Variants in ARHGAP42 observed in about 807,000 individuals in gnomAD.
The protein encoded by ARHGAP42 is rho GTPase-activating protein 42.
A neutral mutation model predicts 125.0 loss-of-function variants in ARHGAP42; 63 were observed. The observed-to-expected ratio is 0.50, with a 90% confidence interval of 0.41 to 0.62. The LOEUF (loss-of-function observed/expected upper bound fraction) is 0.62, where lower values mean the gene tolerates loss of function less well. ARHGAP42 is among the 20% of genes least tolerant of loss of function. ARHGAP42 has a pLI of 0.00. For missense variants in ARHGAP42, 766 were observed against 1,024.2 expected, an observed-to-expected ratio of 0.75 and a Z score of 3.44; for synonymous variants, 339 against 351.0, an observed-to-expected ratio of 0.97 and a Z score of 0.38.
chr11:100,835,655 G>A (rs1864769143), intron 3 of ARHGAP42, among the ~76,000 whole-genome samples: 1 of 151,982 alleles, frequency 6.6e-6, no homozygotes, highest in Admixed American at 6.6e-5. Flanking sequence ...ATTCCAGAAG[G>A]GGTACACTTT....
At chr11:100,977,116 C>T (rs1354706471) in intron 21 of ARHGAP42, 145 bp downstream of exon 21, 3 of 944,498 alleles carry the variant, frequency 3.2e-6, no homozygotes, top group Non-Finnish European at 4.6e-6. Context: ...TTCTGTAAGA[C>T]TCTATTCTTT....
At chr11:100,715,822 G>T (rs1861651057) in intron 1 of ARHGAP42, among the ~76,000 whole-genome samples, 1 of 152,174 alleles carries the variant, frequency 6.6e-6, no homozygotes, top group Non-Finnish European at 1.5e-5. Flanking sequence ...AAAGAGTGAG[G>T]AAGCAATGAT....
chr11:100,805,329 A>G (rs560160017), intron 3 of ARHGAP42, among the ~76,000 whole-genome samples: 42 of 152,370 alleles, frequency 2.8e-4, no homozygotes, highest in Non-Finnish European at 5.1e-4. Context: ...TATTGTTGAT[A>G]TCATATGTAA....
chr11:100,893,158 G>GGGGTGTGTGT (rs1555018918), intron 4 of ARHGAP42, among the ~76,000 whole-genome samples: 42 of 147,090 alleles, frequency 2.9e-4, no homozygotes, highest in South Asian at 6.6e-4. Context: ...AACATTTAGG[G>GGGGTGTGTGT]GTGTGTGTGT....
chr11:100,733,367 A>G (rs1427784712), intron 1 of ARHGAP42, among the ~76,000 whole-genome samples: 1 of 148,480 alleles, frequency 6.7e-6, no homozygotes, highest in Non-Finnish European at 1.5e-5. Flanking sequence ...TCACATGACA[A>G]AGATTTTTTG....
At chr11:100,779,228 C>T (rs1863207491) in intron 2 of ARHGAP42, among the ~76,000 whole-genome samples, 1 of 151,526 alleles carries the variant, frequency 6.6e-6, no homozygotes, top group Non-Finnish European at 1.5e-5. Context: ...GGGTGGATCA[C>T]CTGAGGTCAG....
Position 100,992,207 on chromosome 11 carries a change from C to T in ARHGAP42, c.*3406C>T. On this transcript the variant is annotated 3_prime_UTR_variant, in exon 24 of 24. Coordinates refer to ENST00000298815, the MANE Select transcript of ARHGAP42 (RefSeq NM_152432.4). The stretch of plus-strand genomic sequence containing the variant: ...GATGCCTTCTTTAGCATTTAGAACC[C>T]CAACTAGACTTATACTTTGACTAAA... The T allele has an allele frequency of 1.5e-6, 2 of 1,326,386 alleles. No individual in the cohort carries two copies. The highest frequency in any genetic ancestry group is 1.0e-6 in the Non-Finnish European group (1 of 980,612). 82.2% of individuals were successfully genotyped at this position (1,326,386 alleles called of 1,614,324 possible).
intron 2 of ARHGAP42, among the ~76,000 whole-genome samples, chr11:100,775,849 T>C (rs1306986412): frequency 6.6e-6 from 1 of 152,142 alleles, no homozygotes; most frequent in Non-Finnish European, 1.5e-5. Context: ...TGAGAAGACC[T>C]CTAGGTTTTA....
rs1858789670 is a variant in ARHGAP42, at chr11:100,989,990, A to G, written c.*1189A>G. 1 of 152,170 alleles carries G rather than the reference A, an allele frequency of 6.6e-6. No individual in the cohort carries two copies. The highest frequency in any genetic ancestry group is 1.5e-5 in the Non-Finnish European group (1 of 68,028). The allele number at this position is 152,170 out of a possible 1,614,324, so 9.4% of individuals were successfully genotyped here. A position where few individuals can be genotyped will look rare whatever the true frequency, so the allele number is the denominator to read the frequency against. Reference sequence around the variant, plus strand: ...TACATGATTTTCTTTTATGCCTTTTAGTTTACAGTCTTTATTAGCAATTTC... The same window carrying G: ...TACATGATTTTCTTTTATGCCTTTTGGTTTACAGTCTTTATTAGCAATTTC... On this transcript the variant is annotated 3_prime_UTR_variant, in exon 24 of 24. Transcript: ENST00000298815.
At chr11:100,818,016 C>A (rs527821009) in intron 3 of ARHGAP42, among the ~76,000 whole-genome samples, 1 of 152,124 alleles carries the variant, frequency 6.6e-6, no homozygotes, top group Non-Finnish European at 1.5e-5. Context: ...TTGTAAATTG[C>A]AAACCATTCA....
intron 4 of ARHGAP42, among the ~76,000 whole-genome samples, chr11:100,877,803 G>A (rs371609533): frequency 1.3e-5 from 2 of 151,862 alleles, no homozygotes; most frequent in Non-Finnish European, 2.9e-5. Context: ...TCAGGAGTTC[G>A]AGACCAATCT....
intron 3 of ARHGAP42, among the ~76,000 whole-genome samples, chr11:100,809,316 G>T (rs951529728): frequency 1.3e-5 from 2 of 152,158 alleles, no homozygotes; most frequent in Admixed American, 6.5e-5. Flanking sequence ...ACTTAAAGAC[G>T]CTTGACCAAT....
intron 5 of ARHGAP42, among the ~76,000 whole-genome samples, chr11:100,917,197 C>T (rs1867094106): frequency 6.6e-6 from 1 of 151,844 alleles, no homozygotes; most frequent in Non-Finnish European, 1.5e-5. Context: ...AAATAGATTC[C>T]CTTTAGACAC....
chr11:100,723,628 T>A (rs762030448), intron 1 of ARHGAP42, among the ~76,000 whole-genome samples: 12 of 152,194 alleles, frequency 7.9e-5, no homozygotes, highest in Non-Finnish European at 1.6e-4. Context: ...TAGCTTTGTA[T>A]CCTGAAACCT....
chr11:100,948,318 A>G, intron 10 of ARHGAP42, 139 bp from the exon 11 acceptor site: 5 of 648,160 alleles, frequency 7.7e-6, no homozygotes, highest in Non-Finnish European at 7.6e-6. Flanking sequence ...TCTTTTTTAG[A>G]AAAATTCCTA....
chr11:100,983,574 C>T (rs1007071994), intron 22 of ARHGAP42, among the ~76,000 whole-genome samples: 2 of 152,046 alleles, frequency 1.3e-5, no homozygotes, highest in Non-Finnish European at 1.5e-5. Context: ...TATCATAGTG[C>T]CCAACACACA....
intron 9 of ARHGAP42, among the ~76,000 whole-genome samples, chr11:100,943,442 C>A (rs1019646852): frequency 1.3e-5 from 2 of 151,894 alleles, no homozygotes; most frequent in African/African-American, 4.8e-5. Flanking sequence ...TAACTTCATA[C>A]GTTTTCTAAA....
intron 16 of ARHGAP42, among the ~76,000 whole-genome samples, chr11:100,962,725 A>C (rs938111063): frequency 6.6e-6 from 1 of 152,030 alleles, no homozygotes; most frequent in African/African-American, 2.4e-5. Flanking sequence ...AAAAATACAA[A>C]ATTAGCTGGG....
chr11:100,858,102 TGTGTGTGTGTGTGTG>T (rs1591243314), intron 3 of ARHGAP42, among the ~76,000 whole-genome samples: 1 of 146,066 alleles, frequency 6.8e-6, no homozygotes, highest in Non-Finnish European at 1.5e-5. Context: ...TGTGTGTGTG[TGTGTGTGTGTGTGTG>T]TGTGTGTTTA....
Sources: gnomAD v4.1 joint callset for allele counts (sites outside exome capture counted in the v4.1 genomes callset) on GRCh38, gnomAD v4.1.1 for gene constraint, MANE v1.5 for transcripts, NCBI Gene and HGNC (gene_info 2026-07-23, HGNC 2026-07-21) for gene names.